Variants in GLIS3 observed in about 807,000 individuals in gnomAD.
GLIS3 encodes the protein zinc finger protein GLIS3.
In GLIS3, 53 loss-of-function variants were observed where a neutral mutation model predicts 78.6. The observed-to-expected ratio is 0.67, with a 90% CI of 0.54 to 0.85. GLIS3 has a LOEUF of 0.85. Ranked by LOEUF, GLIS3 falls within the 40% of genes least tolerant of loss-of-function variation. The pLI, the probability that GLIS3 is intolerant of heterozygous loss-of-function variation, is 0.00. For synonymous variants in GLIS3, 684 were observed against 509.9 expected (o/e 1.34, Z -4.60); for missense variants, 1,703 against 1,231.1 (o/e 1.38, Z -5.74).
chr9:4,125,669 A>G, intron 3 of GLIS3, 65 bp downstream of exon 3: 1 of 1,089,926 alleles, frequency 9.2e-7, no homozygotes, highest in South Asian at 1.2e-5. Flanking sequence ...CAGAAAGAGA[A>G]CGGAAAACAC....
At chr9:4,181,517 C>T (rs1283923624) in intron 2 of GLIS3, among the ~76,000 whole-genome samples, 1 of 152,186 alleles carries the variant, frequency 6.6e-6, no homozygotes, top group Non-Finnish European at 1.5e-5. Context: ...TCTTGCTTGA[C>T]CATCATCATC....
chr9:4,355,239 A>C, the GLIS3 span, among the ~76,000 whole-genome samples: 1 of 152,176 alleles, frequency 6.6e-6, no homozygotes, highest in Non-Finnish European at 1.5e-5. Context: ...TGGGTCCCAA[A>C]GCAAACTCTG....
chr9:4,082,821 T>C (rs1008342159), intron 4 of GLIS3, among the ~76,000 whole-genome samples: 4 of 152,208 alleles, frequency 2.6e-5, no homozygotes, highest in Admixed American at 2.0e-4. Context: ...CTAAAAATTG[T>C]TCATATTCAC....
chr9:4,119,270 G>C (rs576858180), intron 3 of GLIS3, among the ~76,000 whole-genome samples: 10 of 152,286 alleles, frequency 6.6e-5, no homozygotes, highest in Admixed American at 5.9e-4. Context: ...TATTTGTTGA[G>C]CACCTACTAT....
chr9:3,998,892 C>A (rs914388543), intron 4 of GLIS3, among the ~76,000 whole-genome samples: 9 of 151,662 alleles, frequency 5.9e-5, no homozygotes, highest in Non-Finnish European at 1.3e-4. Context: ...ACCACTGACA[C>A]CATCTAGTCA....
At chr9:4,369,237 G>A in the GLIS3 span, among the ~76,000 whole-genome samples, 1 of 152,092 alleles carries the variant, frequency 6.6e-6, no homozygotes, top group Non-Finnish European at 1.5e-5. Flanking sequence ...TTCCGAAGAA[G>A]TGTTCCCAAA....
intron 4 of GLIS3, among the ~76,000 whole-genome samples, chr9:4,078,628 G>A (rs537500968): frequency 4.6e-5 from 7 of 152,280 alleles, no homozygotes; most frequent in Non-Finnish European, 1.0e-4. Context: ...AGGGTAAAGC[G>A]GTGGAGAAAC....
At chr9:4,084,479 C>T (rs528891953) in intron 4 of GLIS3, among the ~76,000 whole-genome samples, 6 of 152,028 alleles carry the variant, frequency 3.9e-5, no homozygotes, top group Admixed American at 2.6e-4. Flanking sequence ...GAAACAGCCA[C>T]GGGAAAGGAC....
chr9:4,366,765 G>C, the GLIS3 span, among the ~76,000 whole-genome samples: 3 of 152,208 alleles, frequency 2.0e-5, no homozygotes, highest in Non-Finnish European at 4.4e-5. Context: ...TGGGCACAGA[G>C]AGCAGGGACT....
the GLIS3 span, among the ~76,000 whole-genome samples, chr9:4,415,320 G>A: frequency 1.3e-5 from 2 of 152,112 alleles, no homozygotes; most frequent in Non-Finnish European, 2.9e-5. Flanking sequence ...TCCTGGCAGG[G>A]TAAATACATC....
At chr9:4,391,585 C>A in the GLIS3 span, among the ~76,000 whole-genome samples, 1 of 147,788 alleles carries the variant, frequency 6.8e-6, no homozygotes, top group Non-Finnish European at 1.5e-5. Context: ...GTGTTGGGCT[C>A]GGGTAGGTTG....
chr9:4,036,137 G>A (rs1328094107), intron 4 of GLIS3: 2 of 152,214 alleles, frequency 1.3e-5, no homozygotes, highest in South Asian at 2.1e-4. Flanking sequence ...AGCCCCAAGT[G>A]AGGATTTTCC....
In GLIS3 at chr9:4,328,842, A is replaced by T. The variant is rs115439331; in HGVS notation, n.264+18239T>A. On this transcript the variant is annotated intron_variant and non_coding_transcript_variant, in intron 2 of 4. Coordinates refer to the GLIS3 transcript ENST00000471664. ...TTAGATCAGTGCCCGGCACGTGACA[A>T]GCATCCAATAAATGTTCACTGTTAT... 3.8e-3 allele frequency among the ~76,000 whole-genome samples: 583 copies of T among 152,342 alleles called. 3 individuals carry two copies. Among genetic ancestry groups the T allele is most frequent in the African/African-American group, 0.013 (539 of 41,580 alleles).
intron 6 of GLIS3, among the ~76,000 whole-genome samples, chr9:3,905,266 A>G (rs890647088): frequency 1.3e-5 from 2 of 150,186 alleles, no homozygotes; most frequent in Non-Finnish European, 2.9e-5. Context: ...CTGGGATTAC[A>G]GGCATGAGCC....
the GLIS3 span, among the ~76,000 whole-genome samples, chr9:4,422,632 C>T: frequency 2.0e-5 from 3 of 152,226 alleles, no homozygotes; most frequent in Admixed American, 6.5e-5. Context: ...CTCTGCCTGC[C>T]AGTCTACCGG....
the GLIS3 span, among the ~76,000 whole-genome samples, chr9:4,390,010 A>G: frequency 3.3e-5 from 5 of 152,218 alleles, no homozygotes; most frequent in Admixed American, 2.0e-4. Flanking sequence ...CATTCCATCA[A>G]CACTTCCTGA....
At chr9:4,274,975 G>A (rs531544238) in intron 2 of GLIS3, among the ~76,000 whole-genome samples, 13 of 152,188 alleles carry the variant, frequency 8.5e-5, no homozygotes, top group Admixed American at 3.3e-4. Context: ...AACTTTTTAC[G>A]TCTTTCATTA....
In GLIS3 at chr9:4,118,831, TCCGTCAGAC is replaced by T. The variant is rs1831960201; in HGVS notation, c.638_646del (p.Ser213_Glu216delinsLys). Reference sequence around the variant, plus strand: ...CTTCATGCTTGAGGCCGACTGACTTTCCGTCAGACTCAAGGTCGTGGACGCCAAAGACTC... The same window carrying T: ...CTTCATGCTTGAGGCCGACTGACTTTTCAAGGTCGTGGACGCCAAAGACTC... On this transcript the variant is annotated inframe_deletion, in exon 4 of 11. Coordinates refer to ENST00000381971, the MANE Select transcript of GLIS3 (RefSeq NM_001042413.2). This position sits in a 1 kb window ranked among gnomAD's most constrained non-coding sequence, Gnocchi z 4.7. 1 of 1,605,782 alleles carries T rather than the reference TCCGTCAGAC, an allele frequency of 6.2e-7. No homozygotes were observed. The highest frequency in any genetic ancestry group is 1.7e-5 in the Admixed American group (1 of 59,996).
upstream of GLIS3, among the ~76,000 whole-genome samples, chr9:4,302,005 T>C (rs1817095659): frequency 6.6e-6 from 1 of 151,792 alleles, no homozygotes; most frequent in Non-Finnish European, 1.5e-5. Context: ...TTTTTTTTTT[T>C]CTGGCCAAGA....
Sources: gnomAD v4.1 joint callset for allele counts (sites outside exome capture counted in the v4.1 genomes callset) on GRCh38, gnomAD v4.1.1 for gene constraint, Gnocchi (gnomAD v3.1) non-coding constraint, MANE v1.5 for transcripts, NCBI Gene and HGNC (gene_info 2026-07-23, HGNC 2026-07-21) for gene names.